The following DEPDC5 variants were observed in gnomAD, a reference collection of about 807,000 sequenced individuals.
The protein encoded by DEPDC5 is DEP domain containing 5, GATOR1 subcomplex subunit.
DEPDC5 carries 73 observed loss-of-function variants against 217.3 expected under a neutral mutation model. The ratio of observed to expected loss-of-function variants is 0.34; its 90% confidence interval spans 0.28 to 0.41. The LOEUF (loss-of-function observed/expected upper bound fraction) is 0.41. DEPDC5 is among the 10% of genes least tolerant of loss of function. The probability of loss-of-function intolerance (pLI) is 1.00; values close to 1 mark genes in which losing one functional copy is unlikely to be tolerated. For missense variants in DEPDC5, 1,675 were observed against 2,070.1 expected (o/e 0.81, Z 3.70); for synonymous variants, 733 against 756.7 (o/e 0.97, Z 0.51).
At chr22:31,839,891 G>A (rs1202439996) in intron 27 of DEPDC5, among the ~76,000 whole-genome samples, 2 of 152,306 alleles carry the variant, frequency 1.3e-5, no homozygotes, top group East Asian at 1.9e-4. Flanking sequence ...AGCACGTTGG[G>A]AGGCTGAGGC....
At chr22:31,802,971 T>C in intron 15 of DEPDC5, 133 bp downstream of exon 15, 1 of 1,192,034 alleles carries the variant, frequency 8.4e-7, no homozygotes, top group Non-Finnish European at 1.1e-6. Flanking sequence ...CGTCTGTGGA[T>C]GTCAATAGGT....
intron 34 of DEPDC5, among the ~76,000 whole-genome samples, chr22:31,871,916 A>T (rs2092855783): frequency 1.3e-5 from 2 of 152,242 alleles, no homozygotes; most frequent in Non-Finnish European, 2.9e-5. Context: ...TCACACAGAT[A>T]GGACAGCCTC....
intron 24 of DEPDC5, among the ~76,000 whole-genome samples, chr22:31,824,183 TA>T (rs2089954620): frequency 6.6e-6 from 1 of 151,932 alleles, no homozygotes. Flanking sequence ...CCATCTCTAC[TA>T]AAAATACAAA....
Position 31,758,599 on chromosome 22 carries a change from A to G in DEPDC5, c.112A>G (p.Ile38Val), listed in dbSNP as rs755036534. 1.9e-6 allele frequency: 3 copies of G among 1,614,138 alleles called. No homozygotes were observed. Among genetic ancestry groups the G allele is most frequent in the African/African-American group, 1.3e-5 (1 of 75,042 alleles). ...GTTCCCTCACATCAAGCTTGGAGAC[A>G]TTGTAGAGATTGCACACCCCAACGA... ...KVFPHIKLGD[I>V]VEIAHPNDEY... The change falls in exon 3 of 43, where the codon ATT becomes GTT. Residue 38 changes from isoleucine (I) to valine (V), a missense_variant. Physicochemically the swap from Ile to Val is conservative, Grantham distance 29. This residue lies in a region of DEPDC5 where 628 missense variants were observed against 762.1 expected (regional missense o/e 0.82). Transcript: ENST00000651528.
At position 31,878,846 on chromosome 22, in the gene DEPDC5, C is replaced by G. The variant is rs189738499; in HGVS notation, c.3806-679C>G. Among the ~76,000 whole-genome samples, 9 of 151,860 alleles carry G rather than the reference C, an allele frequency of 5.9e-5. No homozygotes were observed. The East Asian group carries it at 1.5e-3, about 26-fold the overall frequency. On this transcript the variant is annotated intron_variant, in intron 37 of 42. Transcript: ENST00000651528. ...CTGAAGTCAGGAGTTTGAGACCAGC[C>G]TGGCCAACATGGTGAAATCCCGTCT...
intron 7 of DEPDC5, among the ~76,000 whole-genome samples, chr22:31,775,933 C>T (rs952796844): frequency 2.0e-5 from 3 of 148,992 alleles, no homozygotes; most frequent in Non-Finnish European, 3.0e-5. Flanking sequence ...CCCAGCTACT[C>T]GGGAGGCTGA....
intron 4 of DEPDC5, among the ~76,000 whole-genome samples, chr22:31,763,222 C>G (rs897763168): frequency 2.0e-5 from 3 of 152,054 alleles, no homozygotes; most frequent in African/African-American, 7.2e-5. Flanking sequence ...AACTGCTGAC[C>G]TCGTGATCCG....
At chr22:31,772,572 A>G (rs904745475) in intron 7 of DEPDC5, among the ~76,000 whole-genome samples, 3 of 152,164 alleles carry the variant, frequency 2.0e-5, no homozygotes, top group Admixed American at 6.6e-5. Context: ...GTGAGTAGCA[A>G]TAGATCTCAG....
At chr22:31,870,864 G>A (rs1381902944) in intron 34 of DEPDC5, 120 bp downstream of exon 34, 2 of 1,156,386 alleles carry the variant, frequency 1.7e-6, no homozygotes, top group Non-Finnish European at 2.3e-6. Flanking sequence ...CAAGTCACAT[G>A]CGACCCTGGG....
At chr22:31,773,926 C>G (rs1285192199) in intron 7 of DEPDC5, among the ~76,000 whole-genome samples, 1 of 152,040 alleles carries the variant, frequency 6.6e-6, no homozygotes, top group East Asian at 1.9e-4. Flanking sequence ...ACAAAATTAG[C>G]TGAGCATGAT....
intron 10 of DEPDC5, among the ~76,000 whole-genome samples, chr22:31,786,630 G>A (rs918444378): frequency 6.6e-6 from 1 of 151,814 alleles, no homozygotes; most frequent in Admixed American, 6.6e-5. Flanking sequence ...TAAGAGACAG[G>A]GTTTTGCTCT....
intron 15 of DEPDC5, among the ~76,000 whole-genome samples, chr22:31,803,769 A>G (rs1172186853): frequency 6.6e-6 from 1 of 152,086 alleles, no homozygotes; most frequent in African/African-American, 2.4e-5. Context: ...TTTGGAAAGT[A>G]AATCCTGATG....
At chr22:31,878,790 G>A (rs928635252) in intron 37 of DEPDC5, among the ~76,000 whole-genome samples, 1 of 151,930 alleles carries the variant, frequency 6.6e-6, no homozygotes, top group African/African-American at 2.4e-5. Flanking sequence ...TGTAATCCCA[G>A]CACTTTGGGA....
At chr22:31,873,162 G>C in intron 34 of DEPDC5, 93 bp from the exon 35 acceptor site, 1 of 1,603,188 alleles carries the variant, frequency 6.2e-7, no homozygotes, top group Non-Finnish European at 8.5e-7. Context: ...CCTGGTTTCT[G>C]GCTCCATAGG....
At chr22:31,755,908 C>G (rs2075285749) in intron 2 of DEPDC5, among the ~76,000 whole-genome samples, 1 of 151,598 alleles carries the variant, frequency 6.6e-6, no homozygotes, top group Non-Finnish European at 1.5e-5. Flanking sequence ...GAGTCTCGCT[C>G]TGTCACCAGG....
At chr22:31,891,013 C>T (rs74994511) in intron 38 of DEPDC5, 3,178 of 210,952 alleles carry the variant, frequency 0.015, 29 homozygotes, top group Middle Eastern at 0.037. Flanking sequence ...CCACCATGCC[C>T]GGCTAAAAAA....
rs2149024866 is a variant in DEPDC5, at chr22:31,845,202, A to G, written c.2986A>G (p.Ile996Val). 1 of 1,614,194 alleles carries G rather than the reference A, an allele frequency of 6.2e-7. No individual in the cohort carries two copies. ...FVRFVEGLNRIRRRHRSDRMM... is the reference protein window; with the variant it reads ...FVRFVEGLNRVRRRHRSDRMM... ...CCGCTTTGTGGAGGGCTTGAATCGC[A>G]TTCGCAGGCGGCATCGCTCGGATCG... is the stretch of plus-strand genomic sequence containing the variant. The change falls in exon 30 of 43, where the codon ATT becomes GTT. Residue 996 changes from isoleucine to valine, a missense_variant. By Grantham distance (29) the Ile-to-Val change is conservative. Around this residue, in one of 11 missense-constraint regions of DEPDC5, gnomAD observed 293 missense variants for 386.1 expected, o/e 0.76. Coordinates refer to ENST00000651528, the MANE Select transcript of DEPDC5 (RefSeq NM_001242896.3).
At chr22:31,785,871 A>G (rs932044505) in intron 10 of DEPDC5, among the ~76,000 whole-genome samples, 1 of 152,216 alleles carries the variant, frequency 6.6e-6, no homozygotes, top group African/African-American at 2.4e-5. Flanking sequence ...TCAACAAATT[A>G]TTCTGGAACA....
chr22:31,850,980 A>G (rs1180415983), intron 31 of DEPDC5, among the ~76,000 whole-genome samples: 6 of 151,660 alleles, frequency 4.0e-5, no homozygotes, highest in Non-Finnish European at 8.8e-5. Flanking sequence ...AGGCAGGAGA[A>G]TTGCTTGAAC....
Sources: allele counts gnomAD v4.1 joint callset (sites outside exome capture counted in the v4.1 genomes callset), GRCh38; gene constraint gnomAD v4.1.1; regional missense constraint gnomAD v4.1.1; transcripts MANE v1.5; gene names NCBI Gene and HGNC (gene_info 2026-07-23, HGNC 2026-07-21).